GPR39: variants seen among roughly 807,000 people sequenced by gnomAD.
GPR39 encodes G protein-coupled receptor 39, also known as zinc sensing receptor.
GPR39 carries 23 observed loss-of-function variants against 18.4 expected under a neutral mutation model. The ratio of observed to expected loss-of-function variants is 1.25; its 90% CI spans 0.90 to 1.77. The LOEUF is 1.77. Ranked by LOEUF, GPR39 falls within the 40% of genes most tolerant of loss-of-function variation. The pLI, the probability that GPR39 is intolerant of heterozygous loss-of-function variation, is 0.00. For synonymous variants in GPR39, 280 were observed against 257.9 expected (o/e 1.09, Z -0.82); for missense variants, 647 against 602.4 (o/e 1.07, Z -0.78).
chr2:132,641,633 T>A (rs1681857982), intron 1 of GPR39, among the ~76,000 whole-genome samples: 1 of 152,240 alleles, frequency 6.6e-6, no homozygotes, highest in Admixed American at 6.5e-5. Context: ...TTATATTGAT[T>A]GCATGTTGAA....
intron 1 of GPR39, among the ~76,000 whole-genome samples, chr2:132,435,043 G>A (rs750461178): frequency 7.9e-5 from 12 of 152,130 alleles, no homozygotes; most frequent in Admixed American, 3.9e-4. Flanking sequence ...CTAATTATTC[G>A]AGACTCTTTT....
At chr2:132,453,433 C>T (rs1680665216) in intron 1 of GPR39, among the ~76,000 whole-genome samples, 1 of 152,114 alleles carries the variant, frequency 6.6e-6, no homozygotes, top group African/African-American at 2.4e-5. Flanking sequence ...TGTAGGTTGC[C>T]TGTTCACTCT....
intron 1 of GPR39, among the ~76,000 whole-genome samples, chr2:132,525,705 G>A (rs1378778348): frequency 6.6e-6 from 1 of 152,218 alleles, no homozygotes; most frequent in African/African-American, 2.4e-5. Flanking sequence ...TGTGTGCCAG[G>A]CACAGGACTA....
chr2:132,463,902 G>C (rs1441248066), intron 1 of GPR39, among the ~76,000 whole-genome samples: 2 of 152,192 alleles, frequency 1.3e-5, no homozygotes, highest in East Asian at 3.9e-4. Context: ...CAGGCTGCAG[G>C]CTTGGACATT....
chr2:132,582,072 C>G (rs1459142240), intron 1 of GPR39, among the ~76,000 whole-genome samples: 13 of 152,192 alleles, frequency 8.5e-5, no homozygotes, highest in Non-Finnish European at 1.3e-4. Context: ...GATTAAGTGA[C>G]AGGTGTGCTG....
intron 1 of GPR39, among the ~76,000 whole-genome samples, chr2:132,536,991 G>A (rs1679770011): frequency 6.6e-6 from 1 of 152,094 alleles, no homozygotes; most frequent in Non-Finnish European, 1.5e-5. Flanking sequence ...CTCCTGAATA[G>A]TGCACACCCG....
intron 1 of GPR39, among the ~76,000 whole-genome samples, chr2:132,460,512 A>T (rs1203267560): frequency 6.6e-6 from 1 of 152,222 alleles, no homozygotes; most frequent in African/African-American, 2.4e-5. Context: ...ATTTCCAAAC[A>T]TGATAAAGGG....
intron 1 of GPR39, among the ~76,000 whole-genome samples, chr2:132,556,066 G>C (rs764988523): frequency 6.6e-6 from 1 of 151,984 alleles, no homozygotes; most frequent in African/African-American, 2.4e-5. Flanking sequence ...GTCCAGGGTC[G>C]TGCTTTGAGA....
At chr2:132,625,775 C>T (rs569810977) in intron 1 of GPR39, among the ~76,000 whole-genome samples, 2 of 152,248 alleles carry the variant, frequency 1.3e-5, no homozygotes, top group East Asian at 3.9e-4. Context: ...AACCTTCTGA[C>T]ATTTTATGAT....
intron 1 of GPR39, among the ~76,000 whole-genome samples, chr2:132,641,921 G>C (rs1326655562): frequency 2.6e-5 from 4 of 152,208 alleles, no homozygotes; most frequent in Admixed American, 2.6e-4. Flanking sequence ...TACACAGCAT[G>C]GATTTTGGAG....
Position 132,417,545 on chromosome 2 carries a change from T to C in GPR39, c.503T>C (p.Leu168Pro). The C allele has an allele frequency of 6.2e-7, 1 of 1,614,170 alleles. No homozygotes were observed. The highest frequency in any genetic ancestry group is 8.5e-7 in the Non-Finnish European group (1 of 1,180,026). The change falls in exon 1 of 2, where the codon CTG becomes CCG. Residue 168 changes from leucine (L) to proline (P), a missense_variant. This residue lies in a region of GPR39 where 581 missense variants were observed against 506.8 expected (regional missense o/e 1.15). Transcript: ENST00000329321. ...TGGGTCACCTCCGCCCTGGTGGCAC[T>C]GCCCTTGCTGTTTGCCATGGGTACT... is the stretch of plus-strand genomic sequence containing the variant. ...FVWVTSALVA[L>P]PLLFAMGTEY...
At chr2:132,461,321 C>T (rs1680828525) in intron 1 of GPR39, among the ~76,000 whole-genome samples, 1 of 152,174 alleles carries the variant, frequency 6.6e-6, no homozygotes, top group Non-Finnish European at 1.5e-5. Context: ...TTACCACCGG[C>T]AGTTTTTTCC....
chr2:132,529,111 A>G (rs1403443195), intron 1 of GPR39, among the ~76,000 whole-genome samples: 1 of 152,120 alleles, frequency 6.6e-6, no homozygotes, highest in Non-Finnish European at 1.5e-5. Flanking sequence ...TCCTAGTCAA[A>G]GAAAGGGGTG....
chr2:132,468,468 T>C (rs1365818779), intron 1 of GPR39, among the ~76,000 whole-genome samples: 1 of 152,092 alleles, frequency 6.6e-6, no homozygotes, highest in Non-Finnish European at 1.5e-5. Flanking sequence ...AGAGGGTACA[T>C]TGTGGACAGG....
At chr2:132,600,936 CCCT>C (rs780186149) in intron 1 of GPR39, among the ~76,000 whole-genome samples, 3 of 152,142 alleles carry the variant, frequency 2.0e-5, no homozygotes, top group Non-Finnish European at 4.4e-5. Context: ...TCTTCTCTCA[CCCT>C]CCTCCAACCT....
intron 1 of GPR39, among the ~76,000 whole-genome samples, chr2:132,502,885 T>A (rs1679072957): frequency 6.6e-6 from 1 of 152,222 alleles, no homozygotes; most frequent in South Asian, 2.1e-4. Flanking sequence ...GCATTTTTTA[T>A]TTCTCTAAGT....
At chr2:132,455,721 C>T (rs1232200479) in intron 1 of GPR39, among the ~76,000 whole-genome samples, 4 of 152,108 alleles carry the variant, frequency 2.6e-5, no homozygotes, top group Admixed American at 1.3e-4. Flanking sequence ...TTTATTTCTG[C>T]GTTCATTTTG....
Position 132,417,374 on chromosome 2 carries a change from A to C in GPR39, c.332A>C (p.His111Pro), listed in dbSNP as rs1324539596. 1 of 1,614,146 alleles carries C rather than the reference A, an allele frequency of 6.2e-7. No homozygotes were observed. Among genetic ancestry groups the C allele is most frequent in the Non-Finnish European group, 8.5e-7 (1 of 1,180,028 alleles). Residue 111 changes from histidine to proline, a missense_variant, in exon 1 of 2, where the codon CAC becomes CCC. Physicochemically the swap from His to Pro is moderately conservative, Grantham distance 77. Coordinates refer to ENST00000329321, the MANE Select transcript of GPR39 (RefSeq NM_001508.3). The part of the protein sequence containing the change: ...TSSYTLSCKL[H>P]TFLFEACSYA... ...AGCTACACCCTGTCCTGCAAGCTGC[A>C]CACTTTCCTCTTCGAGGCCTGCAGC...
intron 1 of GPR39, among the ~76,000 whole-genome samples, chr2:132,431,983 A>T (rs10200766): frequency 6.6e-6 from 1 of 151,940 alleles, no homozygotes; most frequent in Non-Finnish European, 1.5e-5. Context: ...CACTCTTTCA[A>T]CCTTCCAGTT....
Sources: allele counts gnomAD v4.1 joint callset (sites outside exome capture counted in the v4.1 genomes callset), GRCh38; gene constraint gnomAD v4.1.1; regional missense constraint gnomAD v4.1.1; transcripts MANE v1.5; gene names NCBI Gene and HGNC (gene_info 2026-07-23, HGNC 2026-07-21).